Variants in NRXN1 observed in about 807,000 individuals in gnomAD.
NRXN1 encodes the protein neurexin 1, also known as neurexin-1.
NRXN1 carries 39 observed loss-of-function variants against 150.9 expected under a neutral mutation model. The ratio of observed to expected loss-of-function variants is 0.26; its 90% CI spans 0.20 to 0.34. The LOEUF is 0.34. Ranked by LOEUF, NRXN1 falls within the 10% of genes least tolerant of loss-of-function variation. The pLI, the probability that NRXN1 is intolerant of heterozygous loss-of-function variation, is 1.00. For missense variants in NRXN1, 1,815 were observed against 1,949.9 expected (o/e 0.93, Z 1.30); for synonymous variants, 924 against 757.0 (o/e 1.22, Z -3.62).
At chr2:50,666,475 T>G (rs1276610699) in intron 5 of NRXN1, among the ~76,000 whole-genome samples, 10 of 151,952 alleles carry the variant, frequency 6.6e-5, no homozygotes, top group Admixed American at 6.6e-4. Context: ...TAGGTTTAAC[T>G]TTTTTGAGAA....
At chr2:50,492,357 G>A (rs144043740) in intron 15 of NRXN1, among the ~76,000 whole-genome samples, 1 of 152,108 alleles carries the variant, frequency 6.6e-6, no homozygotes, top group Non-Finnish European at 1.5e-5. Context: ...GCTGAACAAG[G>A]CCAGCTGCAT....
intron 5 of NRXN1, among the ~76,000 whole-genome samples, chr2:50,801,442 G>A (rs1268957537): frequency 6.6e-6 from 1 of 152,056 alleles, no homozygotes; most frequent in African/African-American, 2.4e-5. Flanking sequence ...ATATCTCTTA[G>A]AGAAAAAAAT....
intron 18 of NRXN1, among the ~76,000 whole-genome samples, chr2:50,093,017 G>A (rs1699787424): frequency 1.6e-5 from 2 of 125,926 alleles, no homozygotes; most frequent in African/African-American, 5.6e-5. Context: ...TATATCACAT[G>A]TGTTAAAAAT....
At chr2:50,654,672 C>A (rs1686149478) in intron 5 of NRXN1, among the ~76,000 whole-genome samples, 2 of 152,032 alleles carry the variant, frequency 1.3e-5, no homozygotes, top group South Asian at 4.1e-4. Context: ...CCTATTTCTC[C>A]ACATCCTCTC....
intron 2 of NRXN1, among the ~76,000 whole-genome samples, chr2:51,018,875 T>A (rs1669147201): frequency 6.6e-6 from 1 of 152,088 alleles, no homozygotes; most frequent in South Asian, 2.1e-4. Flanking sequence ...TACTGCTGGT[T>A]ATGATAGAGT....
chr2:50,807,799 C>T (rs1442005625), intron 5 of NRXN1, among the ~76,000 whole-genome samples: 1 of 152,060 alleles, frequency 6.6e-6, no homozygotes, highest in Non-Finnish European at 1.5e-5. Context: ...AGAAAGTAAT[C>T]TTCTTGATGG....
intron 5 of NRXN1, among the ~76,000 whole-genome samples, chr2:50,901,823 T>C (rs1559416309): frequency 6.6e-6 from 1 of 152,226 alleles, no homozygotes; most frequent in Non-Finnish European, 1.5e-5. Context: ...AGCAATAATG[T>C]GCTAATTTGT....
intron 17 of NRXN1, among the ~76,000 whole-genome samples, chr2:50,418,316 C>G (rs2083706615): frequency 6.6e-6 from 1 of 151,986 alleles, no homozygotes; most frequent in African/African-American, 2.4e-5. Flanking sequence ...ACAAGTTTCA[C>G]CAAGTATAAA....
chr2:50,486,350 T>G (rs2090872932), intron 15 of NRXN1, among the ~76,000 whole-genome samples: 1 of 152,174 alleles, frequency 6.6e-6, no homozygotes, highest in African/African-American at 2.4e-5. Context: ...ATAGTTTTTC[T>G]CACGAAAACA....
intron 18 of NRXN1, among the ~76,000 whole-genome samples, chr2:50,234,110 G>A (rs72837439): frequency 6.6e-6 from 1 of 150,944 alleles, no homozygotes; most frequent in Non-Finnish European, 1.5e-5. Context: ...ATTATTCCAT[G>A]CACCCAACAT....
intron 17 of NRXN1, among the ~76,000 whole-genome samples, chr2:50,291,136 A>AG (rs1289057423): frequency 1.2e-4 from 2 of 16,382 alleles, no homozygotes; most frequent in African/African-American, 7.8e-4. Context: ...ACAGAAGTTG[A>AG]AAAAAAAAAA....
chr2:50,148,262 T>G (rs572376683), intron 18 of NRXN1, among the ~76,000 whole-genome samples: 1 of 151,776 alleles, frequency 6.6e-6, no homozygotes, highest in South Asian at 2.1e-4. Context: ...CTCCACCATT[T>G]ATTGATTACA....
chr2:50,631,546 A>G (rs1474801015), intron 5 of NRXN1, among the ~76,000 whole-genome samples: 1 of 151,906 alleles, frequency 6.6e-6, no homozygotes, highest in East Asian at 1.9e-4. Flanking sequence ...TAATTTCTAG[A>G]TATTGCCATA....
intron 5 of NRXN1, among the ~76,000 whole-genome samples, chr2:50,799,352 G>A (rs995768293): frequency 1.3e-5 from 2 of 152,168 alleles, no homozygotes; most frequent in African/African-American, 2.4e-5. Flanking sequence ...TGGTGAAATT[G>A]AAAGGCAGAA....
chr2:50,744,246 T>G (rs2105290653), intron 5 of NRXN1, among the ~76,000 whole-genome samples: 1 of 152,158 alleles, frequency 6.6e-6, no homozygotes, highest in South Asian at 2.1e-4. Flanking sequence ...AAAACAATAA[T>G]ATTTTAATAA....
chr2:50,681,727 T>C (rs1454696554), intron 5 of NRXN1, among the ~76,000 whole-genome samples: 2 of 152,184 alleles, frequency 1.3e-5, no homozygotes, highest in African/African-American at 2.4e-5. Context: ...GTTGAACTAT[T>C]TGATACTAAT....
intron 21 of NRXN1, among the ~76,000 whole-genome samples, chr2:50,004,892 G>T (rs544672324): frequency 1.3e-5 from 2 of 152,198 alleles, no homozygotes; most frequent in South Asian, 4.1e-4. Flanking sequence ...AAAAGCTATT[G>T]CTCATCTCAT....
At chr2:51,030,034 A>T (rs1671234293) in intron 1 of NRXN1, among the ~76,000 whole-genome samples, 1 of 152,210 alleles carries the variant, frequency 6.6e-6, no homozygotes, top group East Asian at 1.9e-4. Context: ...ATCACTCACT[A>T]TACTATTAAA....
intron 18 of NRXN1, among the ~76,000 whole-genome samples, chr2:50,140,246 G>C (rs980626582): frequency 2.0e-5 from 3 of 152,102 alleles, no homozygotes; most frequent in African/African-American, 7.2e-5. Context: ...CCTGACTTCA[G>C]GGACCAATAC....
Sources: gnomAD v4.1 joint callset for allele counts (sites outside exome capture counted in the v4.1 genomes callset) on GRCh38, gnomAD v4.1.1 for gene constraint, MANE v1.5 for transcripts, NCBI Gene and HGNC (gene_info 2026-07-23, HGNC 2026-07-21) for gene names.